The following RASAL2 variants were observed in gnomAD, a reference collection of about 807,000 sequenced individuals.
The protein encoded by RASAL2 is ras GTPase-activating protein nGAP.
A neutral mutation model predicts 128.9 loss-of-function variants in RASAL2; 58 were observed. That is an observed-to-expected ratio of 0.45 (90% confidence interval 0.36 to 0.56). The LOEUF is 0.56. Among genes scored for constraint, RASAL2 ranks in the 20% least tolerant of loss-of-function variants. The pLI, the probability that RASAL2 is intolerant of heterozygous loss-of-function variation, is 0.00. For synonymous variants in RASAL2, 561 were observed against 580.8 expected (o/e 0.97, Z 0.49); for missense variants, 1,360 against 1,601.6 (o/e 0.85, Z 2.57).
At chr1:178,331,114 T>C (rs1669283271) in intron 3 of RASAL2, among the ~76,000 whole-genome samples, 1 of 152,242 alleles carries the variant, frequency 6.6e-6, no homozygotes, top group Admixed American at 6.5e-5. Context: ...TTAACCACTG[T>C]GCTCTTCTGT....
intron 1 of RASAL2, chr1:178,123,637 T>C (rs1016728229): frequency 3.9e-5 from 6 of 152,192 alleles, no homozygotes; most frequent in African/African-American, 9.7e-5. Context: ...AATTTAAAAA[T>C]AGAGAAGTGA....
intron 3 of RASAL2, among the ~76,000 whole-genome samples, chr1:178,369,128 T>C (rs1286226346): frequency 6.6e-6 from 1 of 152,098 alleles, no homozygotes; most frequent in African/African-American, 2.4e-5. Flanking sequence ...TATGACAAAA[T>C]TTCAATCTAG....
intron 1 of RASAL2, among the ~76,000 whole-genome samples, chr1:178,118,353 T>C (rs960657038): frequency 4.6e-5 from 7 of 152,084 alleles, no homozygotes; most frequent in African/African-American, 1.7e-4. Context: ...TACATTGTAA[T>C]ATATAATGAA....
intron 1 of RASAL2, among the ~76,000 whole-genome samples, chr1:178,117,993 C>T (rs1397418826): frequency 2.6e-5 from 4 of 151,744 alleles, no homozygotes; most frequent in Non-Finnish European, 5.9e-5. Flanking sequence ...GATGAAACTC[C>T]GTCTCGACTA....
chr1:178,303,776 CG>C, intron 3 of RASAL2, among the ~76,000 whole-genome samples: 1 of 151,868 alleles, frequency 6.6e-6, no homozygotes, highest in East Asian at 1.9e-4. Context: ...AATGCTTCCT[CG>C]TAGAAAATGA....
chr1:178,201,465 G>C (rs1257563547), intron 1 of RASAL2, among the ~76,000 whole-genome samples: 3 of 152,178 alleles, frequency 2.0e-5, no homozygotes, highest in African/African-American at 4.8e-5. Context: ...TACCCTTAGC[G>C]AAATGGATTT....
intron 1 of RASAL2, among the ~76,000 whole-genome samples, chr1:178,267,146 C>T (rs1488605986): frequency 6.6e-6 from 1 of 152,182 alleles, no homozygotes; most frequent in African/African-American, 2.4e-5. Context: ...TCTATCCATC[C>T]TTTTCTTAAC....
chr1:178,438,850 A>T (rs1676425186), intron 5 of RASAL2, among the ~76,000 whole-genome samples: 1 of 148,868 alleles, frequency 6.7e-6, no homozygotes, highest in African/African-American at 2.5e-5. Context: ...TTGAAAGACA[A>T]GGTCTTGTGA....
chr1:178,100,290 C>T (rs34433211), intron 1 of RASAL2, among the ~76,000 whole-genome samples: 1,553 of 151,030 alleles, frequency 0.01, 11 homozygotes, highest in Non-Finnish European at 0.018. Flanking sequence ...CCAAGGTGGG[C>T]GGATCACCTG....
intron 1 of RASAL2, among the ~76,000 whole-genome samples, chr1:178,147,863 G>A (rs1660783793): frequency 2.0e-5 from 3 of 151,958 alleles, no homozygotes; most frequent in Admixed American, 2.0e-4. Flanking sequence ...TGAGGTCAGG[G>A]GTTCGAGACC....
intron 3 of RASAL2, among the ~76,000 whole-genome samples, chr1:178,348,021 G>A (rs1670240925): frequency 6.6e-6 from 1 of 152,192 alleles, no homozygotes; most frequent in Admixed American, 6.5e-5. Context: ...CCTCACAAAT[G>A]TATGTTGAGC....
At chr1:178,155,682 G>A (rs1434594592) in intron 1 of RASAL2, among the ~76,000 whole-genome samples, 2 of 149,864 alleles carry the variant, frequency 1.3e-5, no homozygotes, top group African/African-American at 2.5e-5. Flanking sequence ...AGAGCATGCT[G>A]AATATGTTGG....
intron 1 of RASAL2, among the ~76,000 whole-genome samples, chr1:178,209,870 T>TC (rs1663193498): frequency 2.6e-5 from 4 of 152,070 alleles, no homozygotes; most frequent in Admixed American, 1.3e-4. Flanking sequence ...TTACTTCATC[T>TC]CCATTTCCTG....
intron 15 of RASAL2, 94 bp from the exon 16 acceptor site, chr1:178,465,826 A>T (rs1341028080): frequency 8.5e-7 from 1 of 1,178,382 alleles, no homozygotes; most frequent in Non-Finnish European, 1.2e-6. Flanking sequence ...AAGAAAAAGA[A>T]AAAAAGAAAG....
At chr1:178,227,613 C>T (rs1303255874) in intron 1 of RASAL2, among the ~76,000 whole-genome samples, 1 of 152,068 alleles carries the variant, frequency 6.6e-6, no homozygotes, top group Non-Finnish European at 1.5e-5. Context: ...TTCCTCTAGT[C>T]CTAATATAGT....
chr1:178,206,110 C>T (rs1034491819), intron 1 of RASAL2, among the ~76,000 whole-genome samples: 1 of 152,104 alleles, frequency 6.6e-6, no homozygotes, highest in Non-Finnish European at 1.5e-5. Context: ...ATTTATCTTG[C>T]TCTGTGTACT....
At chr1:178,465,812 A>G in intron 15 of RASAL2, 108 bp from the exon 16 acceptor site, 2 of 1,081,926 alleles carry the variant, frequency 1.8e-6, no homozygotes, top group Non-Finnish European at 1.3e-6. Context: ...TAAAAAAAAG[A>G]AAAAAGAAAA....
At chr1:178,157,887 T>G (rs1661136533) in intron 1 of RASAL2, among the ~76,000 whole-genome samples, 1 of 152,166 alleles carries the variant, frequency 6.6e-6, no homozygotes, top group Non-Finnish European at 1.5e-5. Context: ...ATATCAATAT[T>G]TTATTCATTT....
intron 1 of RASAL2, among the ~76,000 whole-genome samples, chr1:178,269,140 A>G (rs912306757): frequency 1.3e-5 from 2 of 152,224 alleles, no homozygotes; most frequent in African/African-American, 4.8e-5. Context: ...GCCCTTATAA[A>G]GAAGGGGAGA....
Sources: allele counts gnomAD v4.1 joint callset (sites outside exome capture counted in the v4.1 genomes callset), GRCh38; gene constraint gnomAD v4.1.1; transcripts MANE v1.5; gene names NCBI Gene and HGNC (gene_info 2026-07-23, HGNC 2026-07-21).